Variants in TTN observed in about 807,000 individuals in gnomAD.
The protein encoded by TTN is connectin.
A neutral mutation model predicts 3,223.0 loss-of-function variants in TTN; 1,525 were observed. That is an observed-to-expected ratio of 0.47 (90% CI 0.45 to 0.49). TTN has a LOEUF of 0.49. Among genes scored for constraint, TTN ranks in the 20% least tolerant of loss-of-function variants. The pLI, the probability that TTN is intolerant of heterozygous loss-of-function variation, is 0.00. For missense variants in TTN, 40,786 were observed against 43,424.0 expected, an observed-to-expected ratio of 0.94 and a Z score of 5.40; for synonymous variants, 14,094 against 15,161.0, an observed-to-expected ratio of 0.93 and a Z score of 5.17.
chr2:178,678,793 T>C lies in TTN; in HGVS notation c.33780A>G (p.Lys11260=), dbSNP rs1273345873. Residue 11260 remains lysine (K), a synonymous_variant, in exon 143 of 363, where the codon AAA becomes AAG. Coordinates refer to ENST00000589042, the MANE Select transcript of TTN (RefSeq NM_001267550.2). The part of the protein sequence containing the change: ...EVPKKPVPEE[K]VPVPVPKKVE... ...CCTTTTTAGGAACTGGTACTGGTAC[T>C]TTCTCCTCTGGCACAGGTTTCTTGG... is the stretch of plus-strand genomic sequence containing the variant. The C allele has an allele frequency of 6.2e-7, 1 of 1,604,576 alleles. No homozygotes were observed. Among genetic ancestry groups the C allele is most frequent in the African/African-American group, 1.3e-5 (1 of 74,162 alleles).
chr2:178,588,149 T>C lies in TTN; in HGVS notation c.63258A>G (p.Gly21086=), dbSNP rs956164243. 4 of 1,610,510 alleles carry C rather than the reference T, an allele frequency of 2.5e-6. No individual in the cohort carries two copies. The highest frequency in any genetic ancestry group is 3.4e-6 in the Non-Finnish European group (4 of 1,177,408). ...TTKHSITLGW[G]KPVYDGGAPI... is the part of the protein sequence containing the mutation. ...GTGCACCACCATCATAGACTGGTTT[T>C]CCCCACCCAAGAGTTATGGAATGTT... The change falls in exon 305 of 363, where the codon GGA becomes GGG. Residue 21086 remains glycine, a synonymous_variant. Transcript: ENST00000589042.
In TTN at chr2:178,619,816, C is replaced by T; in HGVS notation, c.46501G>A (p.Ala15501Thr). ...EAPGADVVFL[A>T]ELNKDKVEVQ... The stretch of plus-strand genomic sequence containing the variant: ...TCCACCTTATCTTTATTGAGTTCTG[C>T]TAAAAAGACAACATCAGCACCAGGG... Residue 15501 changes from alanine (A) to threonine (T), a missense_variant, in exon 250 of 363, where the codon GCA becomes ACA. Ala to Thr is a moderately conservative substitution (Grantham distance 58). Coordinates refer to ENST00000589042, the MANE Select transcript of TTN (RefSeq NM_001267550.2). The T allele has an allele frequency of 6.2e-7, 1 of 1,612,174 alleles. No individual in the cohort carries two copies. The highest frequency in any genetic ancestry group is 8.5e-7 in the Non-Finnish European group (1 of 1,178,876).
Position 178,595,586 on chromosome 2 carries a change from G to A in TTN, c.57768C>T (p.Phe19256=), listed in dbSNP as rs879138951. 1.3e-6 allele frequency: 2 copies of A among 1,582,136 alleles called. No individual in the cohort carries two copies. The highest frequency in any genetic ancestry group is 2.7e-5 in the African/African-American group (2 of 74,454). The change falls in exon 295 of 363, where the codon TTC becomes TTT. Residue 19256 remains phenylalanine, a synonymous_variant. Coordinates refer to ENST00000589042, the MANE Select transcript of TTN (RefSeq NM_001267550.2). ...CAATACTATTTTCAGCCGCAATTCG[G>A]AAAAAGTAGGCTTTTCCTTGAATGA... The part of the protein sequence containing the change: ...QGLIQGKAYF[F]RIAAENSIGM...
At chr2:178,692,467 G>A (rs1316899373) in intron 120 of TTN, 30 bp downstream of exon 120, 16 of 1,536,468 alleles carry the variant, frequency 1.0e-5, no homozygotes, top group Non-Finnish European at 1.4e-5. Context: ...TGGATGCTAA[G>A]AATTATTTTT....
At chr2:178,794,250 A>G in intron 8 of TTN, 149 bp downstream of exon 8, 1 of 1,191,436 alleles carries the variant, frequency 8.4e-7, no homozygotes, top group Non-Finnish European at 1.2e-6. Context: ...TTGCTCAGAA[A>G]GTTCTAAAAG....
chr2:178,649,956 A>C (rs2062673219), intron 210 of TTN, 62 bp from the exon 211 acceptor site: 2 of 1,534,518 alleles, frequency 1.3e-6, no homozygotes, highest in African/African-American at 2.8e-5. Context: ...AATGCTAATG[A>C]ATGAATTAAA....
intron 111 of TTN, among the ~76,000 whole-genome samples, chr2:178,700,564 T>C (rs879115617): frequency 2.0e-5 from 3 of 152,254 alleles, no homozygotes; most frequent in Admixed American, 2.0e-4. Context: ...ACAACTTCTC[T>C]ACTGAGTATT....
intron 110 of TTN, 76 bp from the exon 111 acceptor site, chr2:178,701,279 A>C: frequency 7.4e-7 from 1 of 1,360,136 alleles, no homozygotes; most frequent in Non-Finnish European, 1.0e-6. Context: ...AGTCTCATGC[A>C]TTTCTTTCAG....
intron 212 of TTN, 33 bp from the exon 213 acceptor site, chr2:178,649,364 T>A: frequency 7.3e-7 from 1 of 1,373,638 alleles, no homozygotes; most frequent in Non-Finnish European, 9.5e-7. Flanking sequence ...TTAAAAATAG[T>A]ATTTAAAAAC....
chr2:178,584,955 G>C lies in TTN; in HGVS notation c.64686C>G (p.Pro21562=), dbSNP rs2048595130. 6 of 1,613,142 alleles carry C rather than the reference G, an allele frequency of 3.7e-6. No homozygotes were observed. The highest frequency in any genetic ancestry group is 2.2e-5 in the East Asian group (1 of 44,734). The change falls in exon 310 of 363, where the codon CCC becomes CCG. Residue 21562 remains proline, a synonymous_variant. Coordinates refer to ENST00000589042, the MANE Select transcript of TTN (RefSeq NM_001267550.2). ...IKVVVMDAPG[P]PQPPFDISDI... ...CAGAAATGTCAAATGGAGGCTGAGGGGGGCCGGGGGCATCTACATGAACCA... is the reference window on the plus strand; with the variant it reads ...CAGAAATGTCAAATGGAGGCTGAGGCGGGCCGGGGGCATCTACATGAACCA...
rs566393354 is a variant in TTN, at chr2:178,576,391, C to T, written c.69741G>A (p.Pro23247=). The part of the protein sequence containing the change: ...AAYPPGPPSN[P]HVTDTTKKSA... ...ATTTCTTGGTAGTATCAGTGACATGCGGATTTGAAGGTGGTCCTGGAGGAT... is the reference window on the plus strand; with the variant it reads ...ATTTCTTGGTAGTATCAGTGACATGTGGATTTGAAGGTGGTCCTGGAGGAT... The change falls in exon 326 of 363, where the codon CCG becomes CCA. Residue 23247 remains proline (P), a synonymous_variant. Coordinates refer to ENST00000589042, the MANE Select transcript of TTN (RefSeq NM_001267550.2). The surrounding 1 kb of genome is among the most constrained non-coding windows in gnomAD (Gnocchi z 4.3). 41 of 1,564,402 alleles carry T rather than the reference C, an allele frequency of 2.6e-5. No homozygotes were observed. The Admixed American group carries it at 4.2e-4, about 16-fold the overall frequency.
At chr2:178,635,941 A>G (rs1156498070) in intron 226 of TTN, 22 bp downstream of exon 226, 9 of 1,556,876 alleles carry the variant, frequency 5.8e-6, no homozygotes, top group Non-Finnish European at 6.1e-6. Flanking sequence ...AGCAGAACGA[A>G]ATCTCCCAGG....
chr2:178,738,393 T>C, intron 48 of TTN, 33 bp from the exon 49 acceptor site: 1 of 1,580,246 alleles, frequency 6.3e-7, no homozygotes, highest in Non-Finnish European at 8.6e-7. Context: ...TTAACATGCC[T>C]CCTTATCAGG....
chr2:178,565,500 T>G lies in TTN; in HGVS notation c.80632A>C (p.Ile26878Leu), dbSNP rs533968107. 6.2e-7 allele frequency: 1 copy of G among 1,613,442 alleles called. No individual in the cohort carries two copies. The highest frequency in any genetic ancestry group is 1.1e-5 in the South Asian group (1 of 91,064). ...AATGGTAACTTTAAACTAGGCTGTATAGTCAAGTCCTTGGCTATGACAGGA... is the reference window on the plus strand; with the variant it reads ...AATGGTAACTTTAAACTAGGCTGTAGAGTCAAGTCCTTGGCTATGACAGGA... Reference protein sequence around the residue: ...GVPVIAKDLTIQPSLKLPFNT... With the variant: ...GVPVIAKDLTLQPSLKLPFNT... The change falls in exon 326 of 363, where the codon ATA becomes CTA. Residue 26878 changes from isoleucine to leucine, a missense_variant. Physicochemically the swap from Ile to Leu is conservative, Grantham distance 5. Transcript: ENST00000589042.
Position 178,601,806 on chromosome 2 carries a change from A to G in TTN, c.55303-19T>C, listed in dbSNP as rs978439465. 2.2e-5 allele frequency: 36 copies of G among 1,601,050 alleles called. No individual in the cohort carries two copies. Among genetic ancestry groups the G allele is most frequent in the Non-Finnish European group, 2.9e-5 (34 of 1,175,364 alleles). On this transcript the variant is annotated intron_variant, in intron 285 of 362. Transcript: ENST00000589042. ...TCTCCAGCTGTACAAAGAAAATAGT[A>G]GTCATACATTGAATGAAATCATAGC...
chr2:178,576,335 T>G lies in TTN; in HGVS notation c.69797A>C (p.Tyr23266Ser). ...GCCAGTGATTTCAAGTCCACCATCA[T>G]AATGAGGCTTGCCCCATGCCAAAGA... The part of the protein sequence containing the change: ...SASLAWGKPH[Y>S]DGGLEITGYV... Residue 23266 changes from tyrosine to serine, a missense_variant, in exon 326 of 363, where the codon TAT becomes TCT. By Grantham distance (144) the Tyr-to-Ser change is moderately radical. Transcript: ENST00000589042. This position sits in a 1 kb window ranked among gnomAD's most constrained non-coding sequence, Gnocchi z 4.3. 6.4e-7 allele frequency: 1 copy of G among 1,567,786 alleles called. No homozygotes were observed. Among genetic ancestry groups the G allele is most frequent in the Non-Finnish European group, 8.6e-7 (1 of 1,161,616 alleles).
intron 69 of TTN, 48 bp from the exon 70 acceptor site, chr2:178,726,094 A>C (rs777133581): frequency 2.0e-5 from 29 of 1,487,170 alleles, no homozygotes; most frequent in Non-Finnish European, 2.3e-5. Context: ...GAATTTCACA[A>C]AATGAAAATT....
intron 330 of TTN, 112 bp downstream of exon 330, chr2:178,556,736 A>C (rs565793183): frequency 7.8e-7 from 1 of 1,285,530 alleles, no homozygotes; most frequent in Non-Finnish European, 1.1e-6. Context: ...TCTTCCAAAA[A>C]CCCCATTAAG....
chr2:178,564,102 C>T lies in TTN; in HGVS notation c.82030G>A (p.Gly27344Arg). 3 of 1,613,730 alleles carry T rather than the reference C, an allele frequency of 1.9e-6. No homozygotes were observed. Among genetic ancestry groups the T allele is most frequent in the Non-Finnish European group, 2.5e-6 (3 of 1,179,726 alleles). Reference protein sequence around the residue: ...LVVKDCIRTDGGQYILKLSNV... With the variant: ...LVVKDCIRTDRGQYILKLSNV... ...CTGAGTTTCAGAATATATTGTCCTC[C>T]ATCAGTCCGTATACAGTCTTTGACA... The change falls in exon 326 of 363, where the codon GGA (glycine) becomes AGA (arginine). Residue 27344 changes from glycine (G) to arginine (R), a missense_variant. Gly to Arg is a moderately radical substitution (Grantham distance 125, BLOSUM62 -2). Coordinates refer to ENST00000589042, the MANE Select transcript of TTN (RefSeq NM_001267550.2).
Sources: allele counts gnomAD v4.1 joint callset (sites outside exome capture counted in the v4.1 genomes callset), GRCh38; gene constraint gnomAD v4.1.1; non-coding constraint Gnocchi (gnomAD v3.1); transcripts MANE v1.5; gene names NCBI Gene and HGNC (gene_info 2026-07-23, HGNC 2026-07-21).